The following TSPAN11 variants were observed in gnomAD, a reference collection of about 807,000 sequenced individuals.
The protein encoded by TSPAN11 is tetraspanin-11.
TSPAN11 carries 29 observed loss-of-function variants against 32.9 expected under a neutral mutation model. That is an observed-to-expected ratio of 0.88 (90% CI 0.66 to 1.20). The LOEUF (loss-of-function observed/expected upper bound fraction) is 1.20. TSPAN11 is among the 50% of genes most tolerant of loss of function. The pLI is 0.00. For missense variants in TSPAN11, 283 were observed against 329.1 expected (o/e 0.86, Z 1.08); for synonymous variants, 140 against 141.3 (o/e 0.99, Z 0.07).
At chr12:30,956,892 G>A (rs1313411589) in intron 2 of TSPAN11, among the ~76,000 whole-genome samples, 1 of 152,236 alleles carries the variant, frequency 6.6e-6, no homozygotes, top group Non-Finnish European at 1.5e-5. Flanking sequence ...GCCTGGAGAG[G>A]CTGCCTCTGC....
intron 7 of TSPAN11, among the ~76,000 whole-genome samples, chr12:30,990,056 C>T (rs544576486): frequency 6.6e-6 from 1 of 152,336 alleles, no homozygotes; most frequent in African/African-American, 2.4e-5. Flanking sequence ...TGTCCTCTGT[C>T]AGGAGGGAGA....
At chr12:30,970,012 C>T (rs1938816297) in intron 3 of TSPAN11, among the ~76,000 whole-genome samples, 1 of 152,196 alleles carries the variant, frequency 6.6e-6, no homozygotes, top group African/African-American at 2.4e-5. Flanking sequence ...CCTTCTTGTT[C>T]TTTGTCCTCC....
downstream of TSPAN11, chr12:30,997,133 GC>G (rs1939429528): frequency 6.6e-6 from 1 of 152,214 alleles, no homozygotes; most frequent in Non-Finnish European, 1.5e-5. Context: ...CCGTGGACCA[GC>G]TGATTTGTCC....
the TSPAN11 span, among the ~76,000 whole-genome samples, chr12:31,006,855 T>A: frequency 2.0e-5 from 3 of 152,230 alleles, no homozygotes; most frequent in Non-Finnish European, 4.4e-5. Context: ...TGAGTTGTAG[T>A]TTTAATATAT....
chr12:30,936,292 T>C (rs1938043729), intron 1 of TSPAN11, among the ~76,000 whole-genome samples: 1 of 152,352 alleles, frequency 6.6e-6, no homozygotes, highest in African/African-American at 2.4e-5. Flanking sequence ...GTGATATTAA[T>C]GTGTCTGTCT....
chr12:30,983,432 AC>A (rs1309123485), intron 7 of TSPAN11, among the ~76,000 whole-genome samples: 2 of 151,852 alleles, frequency 1.3e-5, no homozygotes, highest in Non-Finnish European at 2.9e-5. Context: ...ATGTGCATGC[AC>A]CCCATGTGTG....
intron 2 of TSPAN11, among the ~76,000 whole-genome samples, chr12:30,961,515 C>A (rs1366887930): frequency 2.0e-5 from 3 of 151,942 alleles, no homozygotes; most frequent in Non-Finnish European, 2.9e-5. Flanking sequence ...CAACAGTGAG[C>A]AGTGTTAATT....
At chr12:31,010,160 C>T in the TSPAN11 span, among the ~76,000 whole-genome samples, 1 of 152,120 alleles carries the variant, frequency 6.6e-6, no homozygotes, top group South Asian at 2.1e-4. Flanking sequence ...CTGTTATTTG[C>T]CCCTCACACC....
rs1938938610 is a variant in TSPAN11, at chr12:30,975,094, A to T, written c.277-3467A>T. Among the ~76,000 whole-genome samples, 1 of 152,236 alleles carries T rather than the reference A, an allele frequency of 6.6e-6. No individual in the cohort carries two copies. The highest frequency in any genetic ancestry group is 1.5e-5 in the Non-Finnish European group (1 of 68,042). ...GGCCTGTGTGAAGAGAACTGTGTGC[A>T]GCAACACCAGGAACACTTTTCAGCT... On this transcript the variant is annotated intron_variant, in intron 3 of 7. Transcript: ENST00000546076. This position sits in a 1 kb window ranked among gnomAD's most constrained non-coding sequence, Gnocchi z 4.5.
chr12:30,960,151 C>T (rs987891533), intron 2 of TSPAN11, among the ~76,000 whole-genome samples: 4 of 151,426 alleles, frequency 2.6e-5, no homozygotes, highest in Middle Eastern at 3.4e-3. Context: ...GGTGATGGCG[C>T]GGCGCCATGT....
intron 5 of TSPAN11, among the ~76,000 whole-genome samples, chr12:30,979,974 G>A (rs541695703): frequency 2.0e-5 from 3 of 152,182 alleles, no homozygotes; most frequent in Admixed American, 6.5e-5. Flanking sequence ...AGCCGGCTGT[G>A]CCAGGAGAAC....
At chr12:30,997,847 C>T (rs559496036), downstream of TSPAN11, among the ~76,000 whole-genome samples, 37 of 152,264 alleles carry the variant, frequency 2.4e-4, no homozygotes, top group Non-Finnish European at 3.7e-4. Flanking sequence ...CTGCCACTTG[C>T]GGTGTAAGCA....
rs1435229551 is a variant in TSPAN11 at position 30,993,381 on chromosome 12, G to T, written c.*1466G>T. 6.6e-6 allele frequency: 1 copy of T among 152,370 alleles called. No homozygotes were observed. Among genetic ancestry groups the T allele is most frequent in the East Asian group, 1.9e-4 (1 of 5,188 alleles). 9.4% of individuals were successfully genotyped at this position (152,370 alleles called of 1,614,324 possible). On this transcript the variant is annotated 3_prime_UTR_variant, in exon 8 of 8. Transcript: ENST00000546076. The stretch of plus-strand genomic sequence containing the variant: ...GCTCTCTCTCCCATACATAGGAGTG[G>T]CCTCAAGGCCACCCAGTGCTGACCC...
chr12:30,979,640 C>T lies in TSPAN11; in HGVS notation c.426C>T (p.Ile142=). The change falls in exon 5 of 8, where the codon ATC becomes ATT. Residue 142 remains isoleucine (I), a synonymous_variant. Transcript: ENST00000546076. ...ACGGGCAGCCCGGAGCCACGCAGAT[C>T]ACCGCCTCAGTGGACCGACTCCAGC... is the stretch of plus-strand genomic sequence containing the variant. ...ENYGQPGATQ[I]TASVDRLQQD... is the part of the protein sequence containing the mutation. 1.2e-6 allele frequency: 2 copies of T among 1,614,196 alleles called. No homozygotes were observed. Among genetic ancestry groups the T allele is most frequent in the Non-Finnish European group, 1.7e-6 (2 of 1,180,046 alleles).
At chr12:30,951,698 T>C (rs944202609) in intron 1 of TSPAN11, among the ~76,000 whole-genome samples, 22 of 152,206 alleles carry the variant, frequency 1.4e-4, no homozygotes, top group African/African-American at 5.3e-4. Context: ...TTAAATAACT[T>C]GCCCAAGGTC....
the TSPAN11 span, among the ~76,000 whole-genome samples, chr12:31,008,199 T>C: frequency 6.6e-5 from 10 of 152,104 alleles, no homozygotes; most frequent in Admixed American, 6.5e-4. Flanking sequence ...CACACATCAG[T>C]CCTAGTTTTG....
rs377653811 is a variant in TSPAN11, at chr12:30,983,158, G to A, written c.702+8G>A. On this transcript the variant is annotated splice_region_variant and intron_variant, in intron 7 of 7. Coordinates refer to ENST00000546076, the MANE Select transcript of TSPAN11 (RefSeq NM_001370302.1). ...GGGGTGGCCTGCCTGCAGGTGAGTT[G>A]CAGTGCGGGGACTGGTGGGGGTGGA... is the stretch of plus-strand genomic sequence containing the variant. 1 of 1,609,312 alleles carries A rather than the reference G, an allele frequency of 6.2e-7. No homozygotes were observed. Among genetic ancestry groups the A allele is most frequent in the East Asian group, 2.2e-5 (1 of 44,798 alleles).
In TSPAN11 at chr12:30,995,055, G is replaced by C. The variant is rs1029440657; in HGVS notation, c.*3140G>C. 6.6e-6 allele frequency: 1 copy of C among 152,234 alleles called. No homozygotes were observed. The highest frequency in any genetic ancestry group is 2.1e-4 in the South Asian group (1 of 4,828). 9.4% of individuals were successfully genotyped at this position (152,234 alleles called of 1,614,324 possible). On this transcript the variant is annotated 3_prime_UTR_variant, in exon 8 of 8. Transcript: ENST00000546076. The stretch of plus-strand genomic sequence containing the variant: ...ACATGGGCCGGGGGTGCAGAAGCCT[G>C]GCTTATTTCAGGCTGACAGCTGGAC...
chr12:30,977,284 CG>C, intron 3 of TSPAN11, among the ~76,000 whole-genome samples: 1 of 151,944 alleles, frequency 6.6e-6, no homozygotes, highest in East Asian at 1.9e-4. Flanking sequence ...TCCTGGGCAC[CG>C]CCCCCGCTCC....
Sources: allele counts gnomAD v4.1 joint callset (sites outside exome capture counted in the v4.1 genomes callset), GRCh38; gene constraint gnomAD v4.1.1; non-coding constraint Gnocchi (gnomAD v3.1); transcripts MANE v1.5; gene names NCBI Gene and HGNC (gene_info 2026-07-23, HGNC 2026-07-21).